Variants in CD101 observed in about 807,000 individuals in gnomAD.
The protein encoded by CD101 is CD101 molecule, also known as immunoglobulin superfamily member 2.
In CD101, 76 loss-of-function variants were observed where a neutral mutation model predicts 98.2. The ratio of observed to expected loss-of-function variants is 0.77; its 90% confidence interval spans 0.64 to 0.94. The LOEUF (loss-of-function observed/expected upper bound fraction) is 0.94, where lower values mean the gene tolerates loss of function less well. CD101 is among the 40% of genes least tolerant of loss of function. The probability of loss-of-function intolerance (pLI) is 0.00; values close to 1 mark genes in which losing one functional copy is unlikely to be tolerated. For missense variants in CD101, 1,145 were observed against 1,218.8 expected (o/e 0.94, Z 0.90); for synonymous variants, 471 against 472.7 (o/e 1.00, Z 0.05).
rs1034900253 is a variant in CD101 at position 117,023,175 on chromosome 1, A to G, written c.2428+1192A>G. ...CACTTAGCATCTCTGCCATCTCACC[A>G]TGCTCATTTGCACTTCTGCATTTCC... On this transcript the variant is annotated intron_variant, in intron 7 of 9. Coordinates refer to ENST00000682167, the MANE Select transcript of CD101 (RefSeq NM_001256106.3). This position sits in a 1 kb window ranked among gnomAD's most constrained non-coding sequence, Gnocchi z 4.4. Among the ~76,000 whole-genome samples, 1 of 152,152 alleles carries G rather than the reference A, an allele frequency of 6.6e-6. No individual in the cohort carries two copies. The highest frequency in any genetic ancestry group is 2.4e-5 in the African/African-American group (1 of 41,428).
In CD101 at chr1:117,018,364, A is replaced by T. The variant is rs1250354952; in HGVS notation, c.1821A>T (p.Leu607=). The T allele has an allele frequency of 1.2e-6, 2 of 1,614,030 alleles. No homozygotes were observed. Among genetic ancestry groups the T allele is most frequent in the African/African-American group, 2.7e-5 (2 of 74,908 alleles). The change falls in exon 6 of 10, where the codon CTA becomes CTT. Residue 607 remains leucine, a synonymous_variant. Coordinates refer to ENST00000682167, the MANE Select transcript of CD101 (RefSeq NM_001256106.3). The surrounding 1 kb of genome is among the most constrained non-coding windows in gnomAD (Gnocchi z 4.3). ...GCACTATTGAATGGGGGAATTTCCT[A>T]TCCCGGTTCCAAAAGAAGACGAAAG... is the stretch of plus-strand genomic sequence containing the variant. ...HNGTIEWGNF[L]SRFQKKTKVS...
chr1:117,014,254 G>A (rs1653074950), intron 4 of CD101, among the ~76,000 whole-genome samples: 1 of 146,958 alleles, frequency 6.8e-6, no homozygotes, highest in Non-Finnish European at 1.5e-5. Flanking sequence ...AGAGTAAAAA[G>A]CTACACTTTG....
At position 117,005,538 on chromosome 1, in the gene CD101, T is replaced by C. The variant is rs1652479005; in HGVS notation, c.43+3678T>C. Among the ~76,000 whole-genome samples, 1 of 152,196 alleles carries C rather than the reference T, an allele frequency of 6.6e-6. No individual in the cohort carries two copies. The highest frequency in any genetic ancestry group is 2.1e-4 in the South Asian group (1 of 4,834). ...CCTTTCCTCTTAGAATGTTCTTCCCTTGATTTCCAGCCGCTGTGTCCTAGT... is the reference window on the plus strand; with the variant it reads ...CCTTTCCTCTTAGAATGTTCTTCCCCTGATTTCCAGCCGCTGTGTCCTAGT... On this transcript the variant is annotated intron_variant, in intron 1 of 9. Transcript: ENST00000682167. This position sits in a 1 kb window ranked among gnomAD's most constrained non-coding sequence, Gnocchi z 4.4.
chr1:117,007,854 A>G (rs1652630414), intron 1 of CD101, among the ~76,000 whole-genome samples: 1 of 152,218 alleles, frequency 6.6e-6, no homozygotes, highest in Admixed American at 6.5e-5. Context: ...TTGTTTCTAT[A>G]TAACATTCCA....
chr1:117,003,976 C>T (rs1652389479), intron 1 of CD101, among the ~76,000 whole-genome samples: 1 of 152,128 alleles, frequency 6.6e-6, no homozygotes, highest in Non-Finnish European at 1.5e-5. Flanking sequence ...TACACTTTGT[C>T]CCAATTTTTT....
At chr1:117,024,117 G>C (rs185335053) in intron 7 of CD101, among the ~76,000 whole-genome samples, 1 of 152,196 alleles carries the variant, frequency 6.6e-6, no homozygotes, top group African/African-American at 2.4e-5. Flanking sequence ...GGAAAGGGGA[G>C]AGTAAAAATG....
chr1:117,013,267 T>G, intron 3 of CD101, 139 bp from the exon 4 acceptor site: 1 of 1,046,762 alleles, frequency 9.6e-7, no homozygotes, highest in Non-Finnish European at 1.4e-6. Context: ...TTTTTTGGGT[T>G]TACCTACCGC....
At chr1:117,016,198 A>G (rs565341097) in intron 4 of CD101, among the ~76,000 whole-genome samples, 1 of 147,688 alleles carries the variant, frequency 6.8e-6, no homozygotes, top group South Asian at 2.1e-4. Context: ...ATATATATAT[A>G]TATTTATTTA....
At position 117,006,092 on chromosome 1, in the gene CD101, C is replaced by T. The variant is rs1158676323; in HGVS notation, c.44-3758C>T. 6.6e-6 allele frequency among the ~76,000 whole-genome samples: 1 copy of T among 152,082 alleles called. No homozygotes were observed. The highest frequency in any genetic ancestry group is 1.5e-5 in the Non-Finnish European group (1 of 68,014). On this transcript the variant is annotated intron_variant, in intron 1 of 9. Transcript: ENST00000682167. This position sits in a 1 kb window ranked among gnomAD's most constrained non-coding sequence, Gnocchi z 4.4. ...CTCACCCTTATACACACAACAGTAA[C>T]TCTTCCTAATATCTGTATTTCTAGT...
chr1:117,010,198 A>T lies in CD101; in HGVS notation c.392A>T (p.Tyr131Phe), dbSNP rs141072919. ...CHTPNTDEKY[Y>F]GSYSAKTNLI... ...ACACCAAACACTGATGAGAAATACT[A>T]TGGAAGTTACAGTGCAAAGACTAAT... is the stretch of plus-strand genomic sequence containing the variant. The change falls in exon 2 of 10, where the codon TAT becomes TTT. Residue 131 changes from tyrosine to phenylalanine, a missense_variant. Coordinates refer to ENST00000682167, the MANE Select transcript of CD101 (RefSeq NM_001256106.3). The surrounding 1 kb of genome is among the most constrained non-coding windows in gnomAD (Gnocchi z 5.2). The T allele has an allele frequency of 6.2e-7, 1 of 1,613,978 alleles. No individual in the cohort carries two copies. The highest frequency in any genetic ancestry group is 1.7e-5 in the Admixed American group (1 of 60,016).
chr1:117,021,589 G>A lies in CD101; in HGVS notation c.2034G>A (p.Val678=), dbSNP rs758061673. The change falls in exon 7 of 10, where the codon GTG becomes GTA. Residue 678 remains valine (V), a synonymous_variant. Coordinates refer to ENST00000682167, the MANE Select transcript of CD101 (RefSeq NM_001256106.3). This position sits in a 1 kb window ranked among gnomAD's most constrained non-coding sequence, Gnocchi z 4.7. ...TAAATTTAGAGAGCAAGCTAAAAGT[G>A]AATTCAAGGAGTCAAGTCCAAGAGC... ...AVTLPESKLK[V]NSRSQVQELS... 6.3e-7 allele frequency: 1 copy of A among 1,577,360 alleles called. No homozygotes were observed. The highest frequency in any genetic ancestry group is 2.2e-5 in the East Asian group (1 of 44,654).
Position 117,033,697 on chromosome 1 carries a change from G to A in CD101, c.2825-163G>A, listed in dbSNP as rs1013075825. Among the ~76,000 whole-genome samples the A allele has an allele frequency of 2.6e-5, 4 of 152,124 alleles. No individual in the cohort carries two copies. Among genetic ancestry groups the A allele is most frequent in the African/African-American group, 9.7e-5 (4 of 41,428 alleles). On this transcript the variant is annotated intron_variant, in intron 8 of 9. Transcript: ENST00000682167. This position sits in a 1 kb window ranked among gnomAD's most constrained non-coding sequence, Gnocchi z 4.8. Reference sequence around the variant, plus strand: ...CTGTTCCAGGAGCTCTCTTCCCCCAGTGCTCTGTCCTGTGCTCCTCATGAT... The same window carrying A: ...CTGTTCCAGGAGCTCTCTTCCCCCAATGCTCTGTCCTGTGCTCCTCATGAT...
At chr1:117,027,977 C>T (rs1401942045) in intron 8 of CD101, among the ~76,000 whole-genome samples, 11 of 151,952 alleles carry the variant, frequency 7.2e-5, no homozygotes, top group South Asian at 2.1e-4. Context: ...CCCAGCTACT[C>T]GGGAGGCTGA....
Position 117,021,617 on chromosome 1 carries a change from T to C in CD101, c.2062T>C (p.Ser688Pro). ...TTCAAGGAGTCAAGTCCAAGAGCTCTCCATCAACTCCAACACTGATATAGA... is the reference window on the plus strand; with the variant it reads ...TTCAAGGAGTCAAGTCCAAGAGCTCCCCATCAACTCCAACACTGATATAGA... ...VNSRSQVQEL[S>P]INSNTDIECS... Residue 688 changes from serine (S) to proline (P), a missense_variant, in exon 7 of 10, where the codon TCC (serine) becomes CCC (proline). Coordinates refer to ENST00000682167, the MANE Select transcript of CD101 (RefSeq NM_001256106.3). This position sits in a 1 kb window ranked among gnomAD's most constrained non-coding sequence, Gnocchi z 4.7. 6.2e-7 allele frequency: 1 copy of C among 1,601,838 alleles called. No individual in the cohort carries two copies. The highest frequency in any genetic ancestry group is 8.5e-7 in the Non-Finnish European group (1 of 1,175,836).
At chr1:117,029,935 C>T (rs1460838800) in intron 8 of CD101, among the ~76,000 whole-genome samples, 4 of 152,204 alleles carry the variant, frequency 2.6e-5, no homozygotes, top group Non-Finnish European at 4.4e-5. Context: ...ACAACAGCTT[C>T]CTCAGTCTTT....
At chr1:117,031,190 G>C (rs78582625) in intron 8 of CD101, among the ~76,000 whole-genome samples, 3,522 of 152,286 alleles carry the variant, frequency 0.023, 145 homozygotes, top group African/African-American at 0.081. Flanking sequence ...GGCCACTTCA[G>C]CATGGTAAGG....
At position 117,022,008 on chromosome 1, in the gene CD101, CAAT is replaced by C. The variant is rs1557774338; in HGVS notation, c.2428+26_2428+28del. 1.3e-6 allele frequency: 2 copies of C among 1,572,236 alleles called. No homozygotes were observed. Among genetic ancestry groups the C allele is most frequent in the Non-Finnish European group, 1.7e-6 (2 of 1,161,616 alleles). ...GGTAAACCTTGCGAGTGTATCCTCA[CAAT>C]GTCTGTCTGTCTGACGGCTGTTTTC... On this transcript the variant is annotated intron_variant, in intron 7 of 9. Transcript: ENST00000682167. The surrounding 1 kb of genome is among the most constrained non-coding windows in gnomAD (Gnocchi z 4.8).
Position 117,018,596 on chromosome 1 carries a change from A to G in CD101, c.2017+36A>G. The stretch of plus-strand genomic sequence containing the variant: ...CTTGAAATTAATCCCTGTTTTAAAA[A>G]CAAACAAATAGCAATCCTCCCATTT... On this transcript the variant is annotated intron_variant, in intron 6 of 9. Coordinates refer to ENST00000682167, the MANE Select transcript of CD101 (RefSeq NM_001256106.3). This position sits in a 1 kb window ranked among gnomAD's most constrained non-coding sequence, Gnocchi z 4.3. The G allele has an allele frequency of 6.6e-7, 1 of 1,525,184 alleles. No homozygotes were observed. The highest frequency in any genetic ancestry group is 1.3e-5 in the South Asian group (1 of 77,828). The allele number at this position is 1,525,184 out of a possible 1,614,324, so 94.5% of individuals were successfully genotyped here.
Position 117,010,101 on chromosome 1 carries a change from G to T in CD101, c.295G>T (p.Val99Phe). 1 of 1,614,190 alleles carries T rather than the reference G, an allele frequency of 6.2e-7. No homozygotes were observed. The highest frequency in any genetic ancestry group is 8.5e-7 in the Non-Finnish European group (1 of 1,180,036). ...AAGCGGAGACGTCTACGTGGAGAGG[G>T]TCCAGGGCAACTCAGTCTTGTTGCA... is the stretch of plus-strand genomic sequence containing the variant. Reference protein sequence around the residue: ...VRSGDVYVERVQGNSVLLHIS... With the variant: ...VRSGDVYVERFQGNSVLLHIS... The change falls in exon 2 of 10, where the codon GTC becomes TTC. Residue 99 changes from valine (V) to phenylalanine (F), a missense_variant. Val to Phe is a conservative substitution (Grantham distance 50). Transcript: ENST00000682167. This position sits in a 1 kb window ranked among gnomAD's most constrained non-coding sequence, Gnocchi z 5.2.
Sources: allele counts gnomAD v4.1 joint callset (sites outside exome capture counted in the v4.1 genomes callset), GRCh38; gene constraint gnomAD v4.1.1; non-coding constraint Gnocchi (gnomAD v3.1); transcripts MANE v1.5; gene names NCBI Gene and HGNC (gene_info 2026-07-23, HGNC 2026-07-21).